The following AFAP1 variants were observed in gnomAD, a reference collection of about 807,000 sequenced individuals.
AFAP1 encodes the protein actin filament associated protein 1.
In AFAP1, 75 loss-of-function variants were observed where a neutral mutation model predicts 93.9. The ratio of observed to expected loss-of-function variants is 0.80; its 90% confidence interval spans 0.66 to 0.97. AFAP1 has a LOEUF of 0.97. Ranked by LOEUF, AFAP1 falls within the 50% of genes least tolerant of loss-of-function variation. AFAP1 has a pLI of 0.00. For synonymous variants in AFAP1, 517 were observed against 430.7 expected (o/e 1.20, Z -2.48); for missense variants, 1,201 against 1,050.8 (o/e 1.14, Z -1.98).
intron 6 of AFAP1, among the ~76,000 whole-genome samples, chr4:7,834,791 A>G (rs1315500191): frequency 6.6e-6 from 1 of 152,262 alleles, no homozygotes; most frequent in African/African-American, 2.4e-5. Context: ...CATAAGCAGG[A>G]TGGAGACCCC....
intron 5 of AFAP1, chr4:7,842,642 G>GCTTCTCTGTT (rs1336484802): frequency 6.5e-6 from 1 of 153,484 alleles, no homozygotes; most frequent in Non-Finnish European, 1.4e-5. Flanking sequence ...CGCCTTCCCT[G>GCTTCTCTGTT]CTTCTCTGTT....
At chr4:7,894,009 G>A (rs941616877) in intron 1 of AFAP1, among the ~76,000 whole-genome samples, 1 of 152,204 alleles carries the variant, frequency 6.6e-6, no homozygotes, top group Admixed American at 6.5e-5. Flanking sequence ...AAGACCTCAA[G>A]AAGGGAGACA....
intron 1 of AFAP1, among the ~76,000 whole-genome samples, chr4:7,934,331 G>A (rs1360317115): frequency 1.3e-5 from 2 of 152,180 alleles, no homozygotes; most frequent in African/African-American, 4.8e-5. Context: ...TGATGTCCAG[G>A]TCGGTTTTTC....
chr4:7,914,974 C>T (rs1284392408), intron 1 of AFAP1, among the ~76,000 whole-genome samples: 1 of 152,184 alleles, frequency 6.6e-6, no homozygotes, highest in African/African-American at 2.4e-5. Context: ...GTCTTGAACT[C>T]CTGACCTCAA....
At chr4:7,799,789 A>C (rs986982665) in intron 10 of AFAP1, among the ~76,000 whole-genome samples, 1 of 152,160 alleles carries the variant, frequency 6.6e-6, no homozygotes, top group Non-Finnish European at 1.5e-5. Flanking sequence ...TCAATAATGA[A>C]AGTTTTGAGT....
intron 11 of AFAP1, among the ~76,000 whole-genome samples, chr4:7,792,112 C>T (rs1431037033): frequency 1.3e-5 from 2 of 152,084 alleles, no homozygotes; most frequent in East Asian, 1.9e-4. Flanking sequence ...ACATGTAAGC[C>T]GGACAAGTGG....
At position 7,807,767 on chromosome 4, in the gene AFAP1, C is replaced by A. The variant is rs1024219252; in HGVS notation, c.1054+1847G>T. On this transcript the variant is annotated intron_variant, in intron 9 of 17. Coordinates refer to ENST00000420658, the MANE Select transcript of AFAP1 (RefSeq NM_001134647.2). ...GTCAGTATGACGCAACTTCCCAGAT[C>A]ACACTGTGAAAGCTGCCGAGGAGCT... 2.4e-4 allele frequency among the ~76,000 whole-genome samples: 36 copies of A among 152,346 alleles called. No individual in the cohort carries two copies. In the South Asian group the frequency reaches 6.4e-3, roughly 27 times the overall value.
chr4:7,906,222 C>A (rs1409180181), intron 1 of AFAP1, among the ~76,000 whole-genome samples: 1 of 152,166 alleles, frequency 6.6e-6, no homozygotes, highest in African/African-American at 2.4e-5. Flanking sequence ...GACTCATTCA[C>A]CCTATGACCT....
rs1721560375 is a variant in AFAP1, at chr4:7,939,048, CGGGG to C, written c.-3+604_-3+607del. The C allele has an allele frequency of 1.3e-5, 2 of 153,572 alleles. No homozygotes were observed. The highest frequency in any genetic ancestry group is 4.9e-5 in the African/African-American group (2 of 41,062). 9.5% of individuals were successfully genotyped at this position (153,572 alleles called of 1,614,324 possible). On this transcript the variant is annotated intron_variant, in intron 1 of 17. Transcript: ENST00000420658. The surrounding 1 kb of genome is among the most constrained non-coding windows in gnomAD (Gnocchi z 5.6). ...ACCCCCATTACACTCGCGTCCCAGG[CGGGG>C]TCGACCCAGACGAGCCACGGGGCGG...
At chr4:7,769,631 C>A (rs934776891) in intron 16 of AFAP1, among the ~76,000 whole-genome samples, 1 of 147,216 alleles carries the variant, frequency 6.8e-6, no homozygotes, top group Non-Finnish European at 1.5e-5. Context: ...ATATGGGATC[C>A]CAAACTGCTC....
chr4:7,783,750 G>A (rs537727466), intron 12 of AFAP1, among the ~76,000 whole-genome samples: 16 of 152,340 alleles, frequency 1.1e-4, no homozygotes, highest in African/African-American at 3.8e-4. Context: ...GGGTGGAGCT[G>A]GATGATCACG....
At chr4:7,850,137 T>C (rs760974418) in intron 4 of AFAP1, among the ~76,000 whole-genome samples, 14 of 152,196 alleles carry the variant, frequency 9.2e-5, no homozygotes, top group Non-Finnish European at 1.6e-4. Context: ...GATCTCACTC[T>C]AGAGAAATAT....
At chr4:7,820,550 A>G (rs185531396) in intron 6 of AFAP1, among the ~76,000 whole-genome samples, 1 of 152,310 alleles carries the variant, frequency 6.6e-6, no homozygotes, top group Admixed American at 6.5e-5. Flanking sequence ...GCAGAAAACC[A>G]GGAGAGCACA....
intron 1 of AFAP1, among the ~76,000 whole-genome samples, chr4:7,900,233 C>A (rs900115459): frequency 6.6e-6 from 1 of 152,226 alleles, no homozygotes; most frequent in Admixed American, 6.5e-5. Context: ...GGAGGCCACA[C>A]ATCCAGAATG....
intron 6 of AFAP1, among the ~76,000 whole-genome samples, chr4:7,826,102 G>T (rs1304021873): frequency 6.6e-6 from 1 of 152,176 alleles, no homozygotes; most frequent in African/African-American, 2.4e-5. Flanking sequence ...AGAATGGTGG[G>T]TGAAGGGGGA....
chr4:7,897,332 C>T (rs1718845180), intron 1 of AFAP1, among the ~76,000 whole-genome samples: 2 of 152,312 alleles, frequency 1.3e-5, no homozygotes, highest in South Asian at 4.1e-4. Flanking sequence ...CATGTAAGAA[C>T]TGTAGGCTCA....
At chr4:7,903,828 C>T (rs781522088) in intron 1 of AFAP1, among the ~76,000 whole-genome samples, 1 of 152,114 alleles carries the variant, frequency 6.6e-6, no homozygotes, top group African/African-American at 2.4e-5. Flanking sequence ...AGGAGGCGGG[C>T]GGGCAGCATC....
intron 6 of AFAP1, among the ~76,000 whole-genome samples, chr4:7,833,853 G>C (rs1363520505): frequency 6.6e-6 from 1 of 152,038 alleles, no homozygotes; most frequent in African/African-American, 2.4e-5. Flanking sequence ...CTCCCAAAGT[G>C]CTGGGATTAC....
chr4:7,906,345 G>A (rs527594580), intron 1 of AFAP1, among the ~76,000 whole-genome samples: 37 of 152,244 alleles, frequency 2.4e-4, no homozygotes, highest in Admixed American at 7.2e-4. Context: ...TCAGATAATG[G>A]ATTTTAAAAT....
Sources: gnomAD v4.1 joint callset for allele counts (sites outside exome capture counted in the v4.1 genomes callset) on GRCh38, gnomAD v4.1.1 for gene constraint, Gnocchi (gnomAD v3.1) non-coding constraint, MANE v1.5 for transcripts, NCBI Gene and HGNC (gene_info 2026-07-23, HGNC 2026-07-21) for gene names.